Variants in RBMS3 observed in about 807,000 individuals in gnomAD.
RBMS3 encodes the protein RNA binding motif single stranded interacting protein 3, also known as RNA-binding motif, single-stranded-interacting protein 3.
A neutral mutation model predicts 66.8 loss-of-function variants in RBMS3; 27 were observed. That is an observed-to-expected ratio of 0.40 (90% CI 0.30 to 0.56). RBMS3 has a LOEUF of 0.56. Ranked by LOEUF, RBMS3 falls within the 20% of genes least tolerant of loss-of-function variation. The pLI, the probability that RBMS3 is intolerant of heterozygous loss-of-function variation, is 0.40. For synonymous variants in RBMS3, 188 were observed against 183.0 expected, an observed-to-expected ratio of 1.03 and a Z score of -0.22; for missense variants, 513 against 549.5, an observed-to-expected ratio of 0.93 and a Z score of 0.66.
intron 4 of RBMS3, among the ~76,000 whole-genome samples, chr3:29,664,085 T>A (rs538922176): frequency 2.6e-4 from 39 of 152,308 alleles, no homozygotes; most frequent in African/African-American, 9.4e-4. Flanking sequence ...CTTCTGATCA[T>A]GAATTTCACC....
intron 4 of RBMS3, among the ~76,000 whole-genome samples, chr3:29,649,603 A>G (rs2050069706): frequency 6.6e-6 from 1 of 152,154 alleles, no homozygotes; most frequent in Non-Finnish European, 1.5e-5. Flanking sequence ...AGGAAGCATA[A>G]TGAACCTTCT....
chr3:29,570,329 A>C (rs1231576594), intron 3 of RBMS3, among the ~76,000 whole-genome samples: 1 of 152,150 alleles, frequency 6.6e-6, no homozygotes, highest in African/African-American at 2.4e-5. Context: ...TTTATAAGAC[A>C]TCCAATTCTT....
Position 29,434,824 on chromosome 3 carries a change from A to T in RBMS3, c.157A>T (p.Ser53Cys), listed in dbSNP as rs375408075. The change falls in exon 2 of 15, where the codon AGC (serine) becomes TGC (cysteine). Residue 53 changes from serine (S) to cysteine (C), a missense_variant. Physicochemically the swap from Ser to Cys is moderately radical, Grantham distance 112. Transcript: ENST00000383767. ...NSSSNNSSNN[S>C]SGEQLSKTNL... Reference sequence around the variant, plus strand: ...CAGCAGCAACAACAGCAGCAACAACAGCAGCGGGGAACAGTTGAGTAAAAC... The same window carrying T: ...CAGCAGCAACAACAGCAGCAACAACTGCAGCGGGGAACAGTTGAGTAAAAC... 297 of 1,614,142 alleles carry T rather than the reference A, an allele frequency of 1.8e-4. 3 individuals carry two copies. The South Asian group carries it at 2.0e-3, about 11-fold the overall frequency.
chr3:29,359,184 T>G (rs964102273), intron 1 of RBMS3, among the ~76,000 whole-genome samples: 2 of 152,198 alleles, frequency 1.3e-5, no homozygotes, highest in Non-Finnish European at 2.9e-5. Context: ...GCTGCGGGTT[T>G]GTCATAAATA....
intron 3 of RBMS3, among the ~76,000 whole-genome samples, chr3:29,542,585 T>G (rs1296011490): frequency 6.6e-6 from 1 of 152,152 alleles, no homozygotes; most frequent in East Asian, 1.9e-4. Context: ...GGTCTTGAAC[T>G]CCTGACCTCA....
chr3:29,843,080 C>G (rs1450074136), intron 6 of RBMS3, among the ~76,000 whole-genome samples: 1 of 152,130 alleles, frequency 6.6e-6, no homozygotes, highest in Non-Finnish European at 1.5e-5. Context: ...GATATTGCCT[C>G]CAGAATCAAG....
At chr3:29,731,612 C>T (rs1378278619) in intron 4 of RBMS3, among the ~76,000 whole-genome samples, 7 of 152,114 alleles carry the variant, frequency 4.6e-5, no homozygotes, top group Admixed American at 1.3e-4. Flanking sequence ...GCTTCTGGAG[C>T]GCCTGTCTTG....
chr3:29,935,890 A>G (rs1310317788), intron 10 of RBMS3, among the ~76,000 whole-genome samples, 196 bp from the exon 11 acceptor site: 3 of 152,180 alleles, frequency 2.0e-5, no homozygotes, highest in Admixed American at 1.3e-4. Context: ...AGAAAGGAAG[A>G]TGTTAATGCC....
At chr3:29,540,795 A>G (rs375224534) in intron 3 of RBMS3, among the ~76,000 whole-genome samples, 41 of 152,226 alleles carry the variant, frequency 2.7e-4, no homozygotes, top group African/African-American at 9.6e-4. Context: ...GTTTCGGTTG[A>G]TGTCTGGGAG....
chr3:29,504,163 G>A (rs2044090366), intron 3 of RBMS3, among the ~76,000 whole-genome samples: 1 of 152,098 alleles, frequency 6.6e-6, no homozygotes, highest in Non-Finnish European at 1.5e-5. Flanking sequence ...TCACTAGCCA[G>A]GATCTGGGAC....
At chr3:29,447,862 G>A (rs1273239472) in intron 2 of RBMS3, among the ~76,000 whole-genome samples, 4 of 152,114 alleles carry the variant, frequency 2.6e-5, no homozygotes, top group African/African-American at 9.7e-5. Context: ...AAACAGAATG[G>A]CCTTTATTAT....
At chr3:29,753,517 G>GC (rs1273362688) in intron 5 of RBMS3, among the ~76,000 whole-genome samples, 1 of 152,126 alleles carries the variant, frequency 6.6e-6, no homozygotes, top group Non-Finnish European at 1.5e-5. Context: ...AAAATGAGTA[G>GC]CCCCGTACAT....
intron 4 of RBMS3, among the ~76,000 whole-genome samples, chr3:29,681,849 T>C (rs953755254): frequency 3.3e-5 from 5 of 152,226 alleles, no homozygotes; most frequent in African/African-American, 1.2e-4. Context: ...AAATGATTTA[T>C]ATTTCTTTGG....
chr3:29,497,577 G>T (rs1183598504), intron 3 of RBMS3, among the ~76,000 whole-genome samples: 1 of 152,042 alleles, frequency 6.6e-6, no homozygotes, highest in African/African-American at 2.4e-5. Flanking sequence ...GCTTCCAAAA[G>T]TCACCTTCTC....
chr3:29,623,214 T>G (rs751916195), intron 4 of RBMS3, among the ~76,000 whole-genome samples: 8 of 151,646 alleles, frequency 5.3e-5, no homozygotes, highest in Non-Finnish European at 1.0e-4. Context: ...TATTTTAATC[T>G]ATTTAATTTT....
At chr3:29,373,200 C>T (rs1409431447) in intron 1 of RBMS3, among the ~76,000 whole-genome samples, 1 of 152,280 alleles carries the variant, frequency 6.6e-6, no homozygotes, top group East Asian at 1.9e-4. Context: ...TGAATTCCTT[C>T]TGTCCATTTG....
chr3:29,956,311 A>G (rs1696038843), intron 12 of RBMS3, among the ~76,000 whole-genome samples: 1 of 151,810 alleles, frequency 6.6e-6, no homozygotes, highest in Non-Finnish European at 1.5e-5. Flanking sequence ...AGTTTTTCTG[A>G]TTTTCACACT....
chr3:29,947,034 G>T (rs1037383727), intron 12 of RBMS3, among the ~76,000 whole-genome samples: 11 of 151,324 alleles, frequency 7.3e-5, no homozygotes, highest in African/African-American at 2.7e-4. Context: ...GAATAAAGAA[G>T]GAAGAAAAAA....
intron 4 of RBMS3, among the ~76,000 whole-genome samples, chr3:29,646,268 G>A (rs776806902): frequency 6.6e-6 from 1 of 152,194 alleles, no homozygotes; most frequent in Non-Finnish European, 1.5e-5. Flanking sequence ...GGTGGACACT[G>A]CCTTAAATGT....
Sources: allele counts gnomAD v4.1 joint callset (sites outside exome capture counted in the v4.1 genomes callset), GRCh38; gene constraint gnomAD v4.1.1; transcripts MANE v1.5; gene names NCBI Gene and HGNC (gene_info 2026-07-23, HGNC 2026-07-21).